ZFYVE28: variants seen among roughly 807,000 people sequenced by gnomAD.
ZFYVE28 encodes zinc finger FYVE-type containing 28.
A neutral mutation model predicts 82.1 loss-of-function variants in ZFYVE28; 40 were observed. The ratio of observed to expected loss-of-function variants is 0.49; its 90% CI spans 0.38 to 0.63. ZFYVE28 has a LOEUF of 0.63. Among genes scored for constraint, ZFYVE28 ranks in the 30% least tolerant of loss-of-function variants. ZFYVE28 has a pLI of 0.00. For missense variants in ZFYVE28, 1,321 were observed against 1,242.1 expected (o/e 1.06, Z -0.96); for synonymous variants, 612 against 546.1 (o/e 1.12, Z -1.68).
At chr4:2,294,593 A>C (rs1714249183) in intron 8 of ZFYVE28, among the ~76,000 whole-genome samples, 1 of 152,392 alleles carries the variant, frequency 6.6e-6, no homozygotes, top group South Asian at 2.1e-4. Context: ...AAAAATTGAT[A>C]AATTGTACTT....
intron 7 of ZFYVE28, among the ~76,000 whole-genome samples, chr4:2,307,317 C>G (rs1340916878): frequency 6.6e-6 from 1 of 152,142 alleles, no homozygotes; most frequent in Admixed American, 6.5e-5. Context: ...GATATATTCT[C>G]CAACTCTTTG....
chr4:2,380,970 G>A (rs2354517), intron 1 of ZFYVE28, among the ~76,000 whole-genome samples: 23,508 of 152,194 alleles, frequency 0.15, 2,199 homozygotes, highest in Middle Eastern at 0.28. Context: ...AAAGATATCC[G>A]AAAATGTGGA....
At chr4:2,368,325 C>A (rs763090392) in intron 1 of ZFYVE28, among the ~76,000 whole-genome samples, 1 of 151,962 alleles carries the variant, frequency 6.6e-6, no homozygotes, top group Non-Finnish European at 1.5e-5. Context: ...TCGCTTGAGC[C>A]CGGGAGGTGG....
chr4:2,276,240 A>C (rs935260677), intron 8 of ZFYVE28, among the ~76,000 whole-genome samples: 3 of 152,218 alleles, frequency 2.0e-5, no homozygotes, highest in African/African-American at 7.2e-5. Context: ...GGAACGTGGG[A>C]GCACGGTAGG....
At chr4:2,369,233 C>T (rs1375623004) in intron 1 of ZFYVE28, among the ~76,000 whole-genome samples, 1 of 152,224 alleles carries the variant, frequency 6.6e-6, no homozygotes, top group African/African-American at 2.4e-5. Flanking sequence ...CTGACCAGAT[C>T]TGCTTTCTCA....
At position 2,408,925 on chromosome 4, in the gene ZFYVE28, T is replaced by C. The variant is rs140171523; in HGVS notation, c.39+9360A>G. Among the ~76,000 whole-genome samples, 334 of 152,358 alleles carry C rather than the reference T, an allele frequency of 2.2e-3. 1 individual carries two copies. Among genetic ancestry groups the C allele is most frequent in the Non-Finnish European group, 3.7e-3 (250 of 68,028 alleles). ...GTGGACCTTCCCATGCACTCAGCTT[T>C]AGGTTTTAGTTTCCTCTTATTTCTG... On this transcript the variant is annotated intron_variant, in intron 1 of 12. Transcript: ENST00000290974. The surrounding 1 kb of genome is among the most constrained non-coding windows in gnomAD (Gnocchi z 4.3).
chr4:2,388,393 A>C (rs1348340016), intron 1 of ZFYVE28, among the ~76,000 whole-genome samples: 1 of 152,176 alleles, frequency 6.6e-6, no homozygotes, highest in Non-Finnish European at 1.5e-5. Flanking sequence ...GTCATGGACT[A>C]TCAACAGCAC....
intron 6 of ZFYVE28, among the ~76,000 whole-genome samples, chr4:2,328,205 G>C (rs763244636): frequency 6.6e-6 from 1 of 151,960 alleles, no homozygotes; most frequent in Admixed American, 6.5e-5. Context: ...ATACACAATA[G>C]AATACTATTC....
chr4:2,335,676 C>T lies in ZFYVE28; in HGVS notation c.701+29G>A. Reference sequence around the variant, plus strand: ...GCCCTGCCCGTCCCGCAGGTTTCTGCAGAGGTCCTGGGCACAGGAGGCACT... The same window carrying T: ...GCCCTGCCCGTCCCGCAGGTTTCTGTAGAGGTCCTGGGCACAGGAGGCACT... On this transcript the variant is annotated intron_variant, in intron 6 of 12. Transcript: ENST00000290974. The surrounding 1 kb of genome is among the most constrained non-coding windows in gnomAD (Gnocchi z 5.8). 6.4e-7 allele frequency: 1 copy of T among 1,556,818 alleles called. No homozygotes were observed. The highest frequency in any genetic ancestry group is 1.4e-5 in the African/African-American group (1 of 73,772).
chr4:2,312,833 C>T (rs1418839214), intron 7 of ZFYVE28, among the ~76,000 whole-genome samples: 4 of 151,154 alleles, frequency 2.6e-5, no homozygotes, highest in Admixed American at 1.3e-4. Context: ...TCACTTGAGA[C>T]CAGGAGTTCG....
intron 7 of ZFYVE28, among the ~76,000 whole-genome samples, chr4:2,314,802 A>G (rs962534453): frequency 5.9e-5 from 9 of 152,154 alleles, no homozygotes. Context: ...TTTTTTTAAG[A>G]CAGGGCCTCA....
At chr4:2,404,318 A>AT (rs1731558940) in intron 1 of ZFYVE28, among the ~76,000 whole-genome samples, 1 of 62,066 alleles carries the variant, frequency 1.6e-5, no homozygotes, top group African/African-American at 6.6e-5. Context: ...TCAAAAAAAA[A>AT]AAAAAAAAAA....
chr4:2,275,423 C>T (rs184139830), intron 8 of ZFYVE28, among the ~76,000 whole-genome samples: 6 of 152,374 alleles, frequency 3.9e-5, no homozygotes, highest in South Asian at 2.1e-4. Context: ...TCTAATTTTA[C>T]TCTTGACGTT....
intron 9 of ZFYVE28, 77 bp from the exon 10 acceptor site, chr4:2,273,366 G>T: frequency 7.6e-7 from 1 of 1,316,112 alleles, no homozygotes; most frequent in Non-Finnish European, 1.1e-6. Flanking sequence ...TGCGGGCTGG[G>T]CAGACCCAGC....
chr4:2,349,597 C>CT (rs1424910397), intron 2 of ZFYVE28, among the ~76,000 whole-genome samples: 1 of 152,226 alleles, frequency 6.6e-6, no homozygotes, highest in Non-Finnish European at 1.5e-5. Context: ...TGAGTGCCTA[C>CT]TGTGTACTAG....
chr4:2,337,894 C>T (rs1722111016), intron 4 of ZFYVE28, among the ~76,000 whole-genome samples: 1 of 97,992 alleles, frequency 1.0e-5, no homozygotes, highest in Non-Finnish European at 1.9e-5. Context: ...ACACACCCTA[C>T]ACCACCATCC....
At chr4:2,334,997 C>A (rs1345438993) in intron 6 of ZFYVE28, among the ~76,000 whole-genome samples, 3 of 150,656 alleles carry the variant, frequency 2.0e-5, no homozygotes, top group Admixed American at 6.6e-5. Context: ...GACCCCTGGG[C>A]TCTAACCTTG....
At chr4:2,359,069 G>T (rs1243583275) in intron 1 of ZFYVE28, among the ~76,000 whole-genome samples, 1 of 151,518 alleles carries the variant, frequency 6.6e-6, no homozygotes, top group African/African-American at 2.4e-5. Context: ...CAGCCTCCCG[G>T]GTTCACACCA....
At chr4:2,291,979 C>T (rs1016459608) in intron 8 of ZFYVE28, among the ~76,000 whole-genome samples, 2 of 152,174 alleles carry the variant, frequency 1.3e-5, no homozygotes, top group Non-Finnish European at 1.5e-5. Flanking sequence ...GGCTCCAGCA[C>T]GTCCTCCCAG....
Sources: gnomAD v4.1 joint callset for allele counts (sites outside exome capture counted in the v4.1 genomes callset) on GRCh38, gnomAD v4.1.1 for gene constraint, Gnocchi (gnomAD v3.1) non-coding constraint, MANE v1.5 for transcripts, NCBI Gene and HGNC (gene_info 2026-07-23, HGNC 2026-07-21) for gene names.